EHBP1: variants seen among roughly 807,000 people sequenced by gnomAD.
EHBP1 encodes EH domain-binding protein 1.
EHBP1 carries 55 observed loss-of-function variants against 144.0 expected under a neutral mutation model. The ratio of observed to expected loss-of-function variants is 0.38; its 90% CI spans 0.31 to 0.48. The LOEUF is 0.48. EHBP1 is among the 20% of genes least tolerant of loss of function. EHBP1 has a pLI of 0.98. For synonymous variants in EHBP1, 469 were observed against 472.7 expected, an observed-to-expected ratio of 0.99 and a Z score of 0.10; for missense variants, 1,200 against 1,364.2, an observed-to-expected ratio of 0.88 and a Z score of 1.90.
At chr2:62,846,591 A>G (rs1025510918) in intron 7 of EHBP1, among the ~76,000 whole-genome samples, 1 of 152,194 alleles carries the variant, frequency 6.6e-6, no homozygotes, top group African/African-American at 2.4e-5. Flanking sequence ...CAAGGCAAGG[A>G]TGTTTGCTCT....
At chr2:62,930,214 C>T (rs1451293410) in intron 10 of EHBP1, among the ~76,000 whole-genome samples, 1 of 152,162 alleles carries the variant, frequency 6.6e-6, no homozygotes, top group Non-Finnish European at 1.5e-5. Context: ...TGCTGCTGCA[C>T]TTCAGCCTGG....
intron 10 of EHBP1, among the ~76,000 whole-genome samples, chr2:62,926,443 G>T (rs1458323879): frequency 1.3e-5 from 2 of 152,044 alleles, no homozygotes; most frequent in African/African-American, 4.8e-5. Context: ...TTCGATGGAG[G>T]ATTAATACCC....
intron 5 of EHBP1, among the ~76,000 whole-genome samples, chr2:62,793,838 G>C (rs1191876587): frequency 6.6e-6 from 1 of 151,996 alleles, no homozygotes; most frequent in Non-Finnish European, 1.5e-5. Flanking sequence ...ATAAACAATG[G>C]TTGCCAAACA....
intron 5 of EHBP1, among the ~76,000 whole-genome samples, chr2:62,795,822 G>A (rs139061546): frequency 5.9e-4 from 89 of 151,988 alleles, no homozygotes; most frequent in African/African-American, 2.0e-3. Flanking sequence ...TGGATTTCCT[G>A]CCCTTCCTTA....
rs981110309 is a variant in EHBP1 at position 62,920,645 on chromosome 2, A to G, written c.1186-22073A>G. On this transcript the variant is annotated intron_variant, in intron 10 of 22. Transcript: ENST00000431489. The stretch of plus-strand genomic sequence containing the variant: ...ATGCATTAATTTAAGAGATTCAGGC[A>G]TATTCTGATTAATCATATTTTTTTT... Among the ~76,000 whole-genome samples the G allele has an allele frequency of 7.2e-5, 11 of 152,176 alleles. No individual in the cohort carries two copies. In the South Asian group the frequency reaches 2.3e-3, roughly 32 times the overall value.
chr2:62,756,110 CAAA>C (rs774426114), intron 3 of EHBP1, among the ~76,000 whole-genome samples: 2 of 100,116 alleles, frequency 2.0e-5, no homozygotes. Flanking sequence ...CCCCTCTCTA[CAAA>C]AAAAAAAAAA....
At chr2:62,943,961 CAG>C in intron 12 of EHBP1, 111 bp downstream of exon 12, 1 of 690,248 alleles carries the variant, frequency 1.4e-6, no homozygotes. Flanking sequence ...CTACAACTCA[CAG>C]AGGGTTGTCT....
chr2:63,041,430 A>T (rs2061656079), intron 21 of EHBP1, among the ~76,000 whole-genome samples: 1 of 152,182 alleles, frequency 6.6e-6, no homozygotes, highest in African/African-American at 2.4e-5. Flanking sequence ...TTTTCTGCAC[A>T]AGAAATGGAT....
intron 10 of EHBP1, among the ~76,000 whole-genome samples, chr2:62,896,958 C>A (rs2052988217): frequency 6.6e-6 from 1 of 152,092 alleles, no homozygotes; most frequent in Non-Finnish European, 1.5e-5. Flanking sequence ...AAATTTTTAG[C>A]AGAATTGTTT....
intron 14 of EHBP1, among the ~76,000 whole-genome samples, chr2:62,965,327 CTTCA>C (rs1398359018): frequency 2.0e-5 from 3 of 152,184 alleles, no homozygotes; most frequent in Non-Finnish European, 4.4e-5. Context: ...TTTCCTCTCT[CTTCA>C]TTAAGAAATA....
At chr2:62,804,787 C>T (rs79891622) in intron 5 of EHBP1, among the ~76,000 whole-genome samples, 15,150 of 152,194 alleles carry the variant, frequency 0.1, 1,001 homozygotes, top group Non-Finnish European at 0.14. Flanking sequence ...CAAGCTTTAA[C>T]TCCCGAGCTT....
chr2:62,758,399 C>T lies in EHBP1; in HGVS notation c.163-5867C>T, dbSNP rs188578646. On this transcript the variant is annotated intron_variant, in intron 3 of 22. Transcript: ENST00000431489. ...GTGGGATTACAAGCCTGATCCACCA[C>T]ATCTGATCCTAGAATAATTTTTGAT... 1.8e-3 allele frequency among the ~76,000 whole-genome samples: 269 copies of T among 152,298 alleles called. 1 individual carries two copies. The highest frequency in any genetic ancestry group is 6.0e-3 in the African/African-American group (249 of 41,560).
rs1270338713 is a variant in EHBP1, at chr2:62,831,021, A to G, written c.497A>G (p.Asp166Gly). The change falls in exon 7 of 23, where the codon GAT becomes GGT. Residue 166 changes from aspartate (D) to glycine (G), a missense_variant and splice_region_variant. By Grantham distance (94) the Asp-to-Gly change is moderately conservative. This residue lies in a region of EHBP1 where 11 missense variants were observed against 38.6 expected (regional missense o/e 0.28). Coordinates refer to ENST00000431489, the MANE Select transcript of EHBP1 (RefSeq NM_001142616.3). ...CIFLREGKAT[D>G]EDMQSLASLM... ...TATATTTTGAATCATTGATGTAGAGATGAAGACATGCAAAGTTTGGCTAGT... is the reference window on the plus strand; with the variant it reads ...TATATTTTGAATCATTGATGTAGAGGTGAAGACATGCAAAGTTTGGCTAGT... 6.2e-7 allele frequency: 1 copy of G among 1,612,454 alleles called. No homozygotes were observed. Among genetic ancestry groups the G allele is most frequent in the Non-Finnish European group, 8.5e-7 (1 of 1,179,418 alleles).
Position 62,996,671 on chromosome 2 carries a change from TAGTAGGAGAATTGGCAGC to T in EHBP1, c.3010_3027del (p.Val1004_Ala1009del). 6.2e-7 allele frequency: 1 copy of T among 1,613,352 alleles called. No homozygotes were observed. The highest frequency in any genetic ancestry group is 8.5e-7 in the Non-Finnish European group (1 of 1,179,598). ...GGGTTCAAAGACACCAGTCAGTATG[TAGTAGGAGAATTGGCAGC>T]ACTAGAGAATGAGCAAAAGCAAATT... On this transcript the variant is annotated inframe_deletion, in exon 19 of 23. Transcript: ENST00000431489.
intron 4 of EHBP1, among the ~76,000 whole-genome samples, chr2:62,767,338 A>G (rs2041269636): frequency 6.6e-6 from 1 of 152,172 alleles, no homozygotes; most frequent in South Asian, 2.1e-4. Flanking sequence ...ATCAACAAAA[A>G]TAAAATAGAG....
chr2:62,939,063 G>A (rs76081756), intron 10 of EHBP1, among the ~76,000 whole-genome samples: 2,666 of 152,182 alleles, frequency 0.018, 82 homozygotes, highest in African/African-American at 0.061. Flanking sequence ...ACTGTTCTGG[G>A]CATTTGATTT....
chr2:62,951,861 T>G (rs961899462), intron 13 of EHBP1, among the ~76,000 whole-genome samples: 1 of 152,132 alleles, frequency 6.6e-6, no homozygotes, highest in Admixed American at 6.5e-5. Flanking sequence ...AAGGCAAATA[T>G]GTTTAGTTAA....
intron 1 of EHBP1, among the ~76,000 whole-genome samples, chr2:62,689,554 G>A (rs139157963): frequency 0.02 from 3,028 of 152,270 alleles, 106 homozygotes; most frequent in African/African-American, 0.069. Flanking sequence ...TGAGGCAGGA[G>A]AATTGCTTGA....
At chr2:62,839,598 G>C (rs1196442932) in intron 7 of EHBP1, among the ~76,000 whole-genome samples, 1 of 149,770 alleles carries the variant, frequency 6.7e-6, no homozygotes, top group African/African-American at 2.5e-5. Flanking sequence ...AAACCCCATC[G>C]TCTCAGCCCA....
Sources: allele counts gnomAD v4.1 joint callset (sites outside exome capture counted in the v4.1 genomes callset), GRCh38; gene constraint gnomAD v4.1.1; regional missense constraint gnomAD v4.1.1; transcripts MANE v1.5; gene names NCBI Gene and HGNC (gene_info 2026-07-23, HGNC 2026-07-21).